Variants in ATP8A2 observed in about 807,000 individuals in gnomAD.
The protein encoded by ATP8A2 is phospholipid-transporting ATPase IB.
In ATP8A2, 100 loss-of-function variants were observed where a neutral mutation model predicts 165.6. The observed-to-expected ratio is 0.60, with a 90% CI of 0.51 to 0.71. ATP8A2 has a LOEUF of 0.71. Among genes scored for constraint, ATP8A2 ranks in the 30% least tolerant of loss-of-function variants. The pLI is 0.00. For synonymous variants in ATP8A2, 543 were observed against 548.8 expected, an observed-to-expected ratio of 0.99 and a Z score of 0.15; for missense variants, 1,227 against 1,479.5, an observed-to-expected ratio of 0.83 and a Z score of 2.80.
chr13:25,505,415 G>T (rs1251200752), intron 2 of ATP8A2, among the ~76,000 whole-genome samples: 1 of 152,062 alleles, frequency 6.6e-6, no homozygotes, highest in African/African-American at 2.4e-5. Context: ...TTTAAAGTCT[G>T]ATTAGTAAAA....
intron 33 of ATP8A2, among the ~76,000 whole-genome samples, chr13:25,933,319 A>G (rs1013559484): frequency 3.9e-5 from 6 of 152,176 alleles, no homozygotes; most frequent in Admixed American, 2.6e-4. Flanking sequence ...TTGGCTATGC[A>G]GGATAGCCTG....
intron 1 of ATP8A2, among the ~76,000 whole-genome samples, chr13:25,449,769 G>A (rs558530925): frequency 4.9e-4 from 74 of 152,280 alleles, no homozygotes; most frequent in African/African-American, 1.8e-3. Context: ...TCCTGTTGGT[G>A]AGTTGACCCC....
intron 33 of ATP8A2, among the ~76,000 whole-genome samples, chr13:25,876,621 A>G (rs1415358938): frequency 6.6e-6 from 1 of 152,200 alleles, no homozygotes; most frequent in Non-Finnish European, 1.5e-5. Context: ...CCTTTAACAT[A>G]GTAACTCGGA....
At chr13:25,464,401 G>A (rs2035580619) in intron 1 of ATP8A2, among the ~76,000 whole-genome samples, 2 of 146,930 alleles carry the variant, frequency 1.4e-5, no homozygotes, top group South Asian at 4.3e-4. Flanking sequence ...GGATCTCGGA[G>A]AGGACTGGAC....
intron 24 of ATP8A2, among the ~76,000 whole-genome samples, chr13:25,605,140 T>C (rs910438405): frequency 3.3e-5 from 5 of 152,342 alleles, no homozygotes; most frequent in African/African-American, 1.2e-4. Context: ...AATTATTATA[T>C]GAAAGGCTAA....
At chr13:25,649,636 G>T (rs1003656723) in intron 24 of ATP8A2, among the ~76,000 whole-genome samples, 1 of 152,046 alleles carries the variant, frequency 6.6e-6, no homozygotes, top group Non-Finnish European at 1.5e-5. Context: ...AGGGTCTTGG[G>T]GTAAGCTTTG....
intron 25 of ATP8A2, among the ~76,000 whole-genome samples, chr13:25,717,675 A>G (rs2043286085): frequency 6.6e-6 from 1 of 152,252 alleles, no homozygotes; most frequent in Non-Finnish European, 1.5e-5. Context: ...TTGAAGGGAA[A>G]AAATAGACCA....
At chr13:25,840,283 T>C (rs1951722320) in intron 30 of ATP8A2, among the ~76,000 whole-genome samples, 2 of 152,186 alleles carry the variant, frequency 1.3e-5, no homozygotes, top group Admixed American at 1.3e-4. Flanking sequence ...TACTCTTTCA[T>C]CCCTCTCAAA....
At chr13:25,702,195 G>T (rs3121591) in intron 25 of ATP8A2, among the ~76,000 whole-genome samples, 1 of 151,976 alleles carries the variant, frequency 6.6e-6, no homozygotes, top group Non-Finnish European at 1.5e-5. Flanking sequence ...AATAATGAAA[G>T]AAGTAATTTT....
intron 24 of ATP8A2, among the ~76,000 whole-genome samples, chr13:25,593,233 G>A (rs2040140646): frequency 1.3e-5 from 2 of 152,126 alleles, no homozygotes; most frequent in Non-Finnish European, 2.9e-5. Context: ...CAATGCAGAT[G>A]GGACAGGGAC....
intron 1 of ATP8A2, among the ~76,000 whole-genome samples, chr13:25,377,702 G>T (rs976079810): frequency 6.6e-6 from 1 of 152,190 alleles, no homozygotes; most frequent in African/African-American, 2.4e-5. Context: ...TGAGGCAGGA[G>T]AATGACTTGA....
At chr13:25,679,905 G>A (rs1005359030) in intron 24 of ATP8A2, among the ~76,000 whole-genome samples, 2 of 152,168 alleles carry the variant, frequency 1.3e-5, no homozygotes, top group Non-Finnish European at 2.9e-5. Flanking sequence ...GATTAAGACA[G>A]CATCAGTTTT....
At chr13:25,581,300 T>A (rs1205462347) in intron 22 of ATP8A2, among the ~76,000 whole-genome samples, 1 of 152,188 alleles carries the variant, frequency 6.6e-6, no homozygotes, top group Non-Finnish European at 1.5e-5. Context: ...TGATCTGCCC[T>A]GGGCCTTTAA....
intron 1 of ATP8A2, among the ~76,000 whole-genome samples, chr13:25,438,230 A>T (rs149405159): frequency 7.2e-4 from 110 of 152,304 alleles, no homozygotes; most frequent in African/African-American, 2.4e-3. Context: ...CTACCTCTAA[A>T]AACCGCCTTC....
intron 24 of ATP8A2, among the ~76,000 whole-genome samples, chr13:25,694,812 A>T (rs2042801204): frequency 6.6e-6 from 1 of 152,118 alleles, no homozygotes; most frequent in South Asian, 2.1e-4. Context: ...CTGGGACTAC[A>T]GGCATGCACC....
intron 33 of ATP8A2, among the ~76,000 whole-genome samples, chr13:25,889,528 A>G (rs1165764169): frequency 1.3e-5 from 2 of 151,992 alleles, no homozygotes; most frequent in Admixed American, 6.6e-5. Context: ...CTTAAGAAGC[A>G]TGATTATCTG....
chr13:26,001,985 T>G lies in ATP8A2; in HGVS notation c.3378-10546T>G, dbSNP rs143490278. Among the ~76,000 whole-genome samples, 946 of 152,356 alleles carry G rather than the reference T, an allele frequency of 6.2e-3. 5 individuals carry two copies. Among genetic ancestry groups the G allele is most frequent in the Middle Eastern group, 0.027 (8 of 294 alleles). On this transcript the variant is annotated intron_variant, in intron 35 of 36. Coordinates refer to ENST00000381655, the MANE Select transcript of ATP8A2 (RefSeq NM_016529.6). ...CCTCTAAGATTTATATTGTTCTAGCTCTTATATTTATGCTTTTTATTAATA... is the reference window on the plus strand; with the variant it reads ...CCTCTAAGATTTATATTGTTCTAGCGCTTATATTTATGCTTTTTATTAATA...
chr13:25,695,976 G>A (rs8000388), intron 24 of ATP8A2, among the ~76,000 whole-genome samples: 55,369 of 151,768 alleles, frequency 0.36, 10,600 homozygotes, highest in East Asian at 0.69. Flanking sequence ...AGGAATTGCT[G>A]TCTATGGTAG....
Position 25,837,234 on chromosome 13 carries a change from G to A in ATP8A2, c.2826G>A (p.Arg942=). 6.2e-7 allele frequency: 1 copy of A among 1,614,014 alleles called. No homozygotes were observed. Among genetic ancestry groups the A allele is most frequent in the South Asian group, 1.1e-5 (1 of 91,066 alleles). ...ERSCTQESML[R]FPQLYKITQN... is the part of the protein sequence containing the mutation. ...CTTGCACTCAGGAGAGCATGCTCAG[G>A]TTTCCCCAGCTCTACAAAATCACCC... The change falls in exon 29 of 37, where the codon AGG becomes AGA. Residue 942 remains arginine (R), a synonymous_variant. Transcript: ENST00000381655.
Sources: allele counts gnomAD v4.1 joint callset (sites outside exome capture counted in the v4.1 genomes callset), GRCh38; gene constraint gnomAD v4.1.1; transcripts MANE v1.5; gene names NCBI Gene and HGNC (gene_info 2026-07-23, HGNC 2026-07-21).